RPGRIP1L: variants seen among roughly 807,000 people sequenced by gnomAD.
RPGRIP1L encodes protein fantom.
In RPGRIP1L, 131 loss-of-function variants were observed where a neutral mutation model predicts 160.4. The observed-to-expected ratio is 0.82, with a 90% CI of 0.71 to 0.94. The LOEUF is 0.94. RPGRIP1L is among the 40% of genes least tolerant of loss of function. RPGRIP1L has a pLI of 0.00. For synonymous variants in RPGRIP1L, 510 were observed against 515.8 expected (o/e 0.99, Z 0.15); for missense variants, 1,522 against 1,535.8 (o/e 0.99, Z 0.15).
Position 53,703,708 on chromosome 16 carries a change from G to A in RPGRIP1L, c.-8+95C>T. The A allele has an allele frequency of 1.2e-5, 3 of 250,250 alleles. No individual in the cohort carries two copies. The South Asian group carries it at 1.5e-4, about 12-fold the overall frequency. 15.5% of individuals were successfully genotyped at this position (250,250 alleles called of 1,614,324 possible). A position where few individuals can be genotyped will look rare whatever the true frequency, so the allele number is the denominator to read the frequency against. On this transcript the variant is annotated intron_variant, in intron 1 of 26. Coordinates refer to ENST00000647211, the MANE Select transcript of RPGRIP1L (RefSeq NM_015272.5). ...CCAACTCCAGGGCCTTCTCCAGGCGGCAGAGCGGACCCTAGGACCCCGGCC... is the reference window on the plus strand; with the variant it reads ...CCAACTCCAGGGCCTTCTCCAGGCGACAGAGCGGACCCTAGGACCCCGGCC...
At chr16:53,654,798 C>T (rs1044164012) in intron 14 of RPGRIP1L, among the ~76,000 whole-genome samples, 3 of 152,176 alleles carry the variant, frequency 2.0e-5, no homozygotes, top group African/African-American at 7.2e-5. Flanking sequence ...AAATCCCAAA[C>T]ACTGTGACCT....
chr16:53,609,018 T>A (rs1389632512), intron 25 of RPGRIP1L, among the ~76,000 whole-genome samples: 1 of 152,172 alleles, frequency 6.6e-6, no homozygotes, highest in African/African-American at 2.4e-5. Context: ...AAAAATGACA[T>A]GAACATTTGT....
chr16:53,692,254 T>C lies in RPGRIP1L; in HGVS notation c.341A>G (p.Gln114Arg), dbSNP rs201413825. 3.7e-5 allele frequency: 59 copies of C among 1,614,112 alleles called. No homozygotes were observed. The Middle Eastern group carries it at 2.0e-3, about 54-fold the overall frequency. Residue 114 changes from glutamine to arginine, a missense_variant, in exon 4 of 27, where the codon CAG becomes CGG. Coordinates refer to ENST00000647211, the MANE Select transcript of RPGRIP1L (RefSeq NM_015272.5). ...AAGCTCATGAACTTTCTCTTGCAGC[T>C]GCTCAATCATTTCTTCCATTTCCAC... ...RDVEMEEMIE[Q>R]LQEKVHELEK...
rs1389958986 is a variant in RPGRIP1L, at chr16:53,636,420, T to C, written c.3294+19A>G. The C allele has an allele frequency of 2.6e-6, 4 of 1,540,584 alleles. No homozygotes were observed. Among genetic ancestry groups the C allele is most frequent in the Non-Finnish European group, 3.6e-6 (4 of 1,113,180 alleles). ...CAGCCTTATTTCAGAACATTTCTAG[T>C]TGGCATCAAGTTACTGACCTGTTTG... On this transcript the variant is annotated intron_variant, in intron 22 of 26. Transcript: ENST00000647211.
At chr16:53,685,191 C>T (rs928567625) in intron 6 of RPGRIP1L, among the ~76,000 whole-genome samples, 12 of 151,824 alleles carry the variant, frequency 7.9e-5, no homozygotes, top group Admixed American at 2.6e-4. Flanking sequence ...GTGAGACTGG[C>T]GAGTCAAAAA....
At chr16:53,611,253 G>C (rs1227214756) in intron 24 of RPGRIP1L, among the ~76,000 whole-genome samples, 1 of 152,190 alleles carries the variant, frequency 6.6e-6, no homozygotes, top group Non-Finnish European at 1.5e-5. Flanking sequence ...TCACTGGCAG[G>C]TTTATGTGCA....
intron 14 of RPGRIP1L, among the ~76,000 whole-genome samples, chr16:53,655,960 A>G (rs1034302886): frequency 6.6e-6 from 1 of 152,230 alleles, no homozygotes; most frequent in African/African-American, 2.4e-5. Context: ...AACAGCAAGA[A>G]CAAAGGCATG....
intron 22 of RPGRIP1L, among the ~76,000 whole-genome samples, chr16:53,632,276 AT>A (rs1418453822): frequency 6.6e-6 from 1 of 152,232 alleles, no homozygotes; most frequent in African/African-American, 2.4e-5. Flanking sequence ...ACTGGCATAA[AT>A]GATACTTATC....
intron 9 of RPGRIP1L, among the ~76,000 whole-genome samples, chr16:53,665,685 C>T (rs1968185480): frequency 6.6e-6 from 1 of 151,992 alleles, no homozygotes; most frequent in Admixed American, 6.6e-5. Flanking sequence ...CAGTTTAAAC[C>T]ATGGTTAAAA....
chr16:53,631,781 A>G (rs1188904950), intron 22 of RPGRIP1L, among the ~76,000 whole-genome samples: 1 of 152,224 alleles, frequency 6.6e-6, no homozygotes, highest in Non-Finnish European at 1.5e-5. Context: ...TAAAAGCAGC[A>G]GTTGTCAGGC....
intron 10 of RPGRIP1L, among the ~76,000 whole-genome samples, chr16:53,662,886 A>C (rs1967925536): frequency 6.6e-6 from 1 of 152,116 alleles, no homozygotes. Context: ...TATGATACTT[A>C]AACTGAAGCT....
At chr16:53,645,002 T>C (rs1327034556) in intron 17 of RPGRIP1L, among the ~76,000 whole-genome samples, 3 of 152,100 alleles carry the variant, frequency 2.0e-5, no homozygotes, top group Non-Finnish European at 4.4e-5. Flanking sequence ...CATACAACAA[T>C]AATTGTTGGG....
chr16:53,696,620 T>C lies in RPGRIP1L; in HGVS notation c.86-325A>G, dbSNP rs113821246. On this transcript the variant is annotated intron_variant, in intron 2 of 26. Transcript: ENST00000647211. ...GACTTTTGAATTTACCTGCTGAATG[T>C]TGTGACAACTAAAAGAGTATCCGAA... Among the ~76,000 whole-genome samples the C allele has an allele frequency of 1.8e-4, 27 of 152,302 alleles. 2 individuals carry two copies. Among genetic ancestry groups the C allele is most frequent in the Admixed American group, 5.2e-4 (8 of 15,292 alleles).
intron 26 of RPGRIP1L, 49 bp downstream of exon 26, chr16:53,605,432 A>G: frequency 6.2e-7 from 1 of 1,609,088 alleles, no homozygotes; most frequent in South Asian, 1.1e-5. Flanking sequence ...AAGAGTTTGG[A>G]GTTCAGCAAT....
At chr16:53,617,903 T>C (rs1415962425) in intron 24 of RPGRIP1L, among the ~76,000 whole-genome samples, 2 of 152,148 alleles carry the variant, frequency 1.3e-5, no homozygotes, top group African/African-American at 4.8e-5. Context: ...AAAATAGTAG[T>C]GATGAACTAG....
intron 20 of RPGRIP1L, 67 bp from the exon 21 acceptor site, chr16:53,637,921 G>C (rs1354764689): frequency 1.4e-6 from 2 of 1,464,958 alleles, no homozygotes; most frequent in Admixed American, 3.4e-5. Flanking sequence ...CATTATTGCT[G>C]GAACAGTTGA....
intron 3 of RPGRIP1L, chr16:53,694,307 G>A (rs1288340969): frequency 1.3e-5 from 2 of 151,606 alleles, no homozygotes; most frequent in Non-Finnish European, 2.9e-5. Context: ...TATGGTGGCA[G>A]GCGCCTGTGA....
Position 53,657,579 on chromosome 16 carries a change from ACTAT to A in RPGRIP1L, c.1451_1454del (p.Asp484ValfsTer7). Reference sequence around the variant, plus strand: ...AGCGTTCTAGATCTTTATTAATTTCACTATCTACTTTCACTAAAAAGGAAAGGTC... The same window carrying A: ...AGCGTTCTAGATCTTTATTAATTTCACTACTTTCACTAAAAAGGAAAGGTC... On this transcript the variant is annotated frameshift_variant, in exon 13 of 27. Coordinates refer to ENST00000647211, the MANE Select transcript of RPGRIP1L (RefSeq NM_015272.5). LOFTEE classifies it high-confidence loss of function. The A allele has an allele frequency of 1.2e-6, 2 of 1,600,734 alleles. No individual in the cohort carries two copies. The highest frequency in any genetic ancestry group is 1.7e-6 in the Non-Finnish European group (2 of 1,170,106).
intron 15 of RPGRIP1L, among the ~76,000 whole-genome samples, chr16:53,649,501 T>C (rs1027239330): frequency 1.3e-5 from 2 of 152,236 alleles, no homozygotes; most frequent in Non-Finnish European, 2.9e-5. Flanking sequence ...ACATTTACAA[T>C]ATGAAACCTC....
Sources: gnomAD v4.1 joint callset for allele counts (sites outside exome capture counted in the v4.1 genomes callset) on GRCh38, gnomAD v4.1.1 for gene constraint, MANE v1.5 for transcripts, NCBI Gene and HGNC (gene_info 2026-07-23, HGNC 2026-07-21) for gene names.